The following RSRC1 variants were observed in gnomAD, a reference collection of about 807,000 sequenced individuals.
The protein encoded by RSRC1 is arginine and serine rich coiled-coil 1.
A neutral mutation model predicts 49.1 loss-of-function variants in RSRC1; 39 were observed. That is an observed-to-expected ratio of 0.79 (90% confidence interval 0.61 to 1.04). The LOEUF is 1.04. Ranked by LOEUF, RSRC1 falls within the 50% of genes least tolerant of loss-of-function variation. The pLI is 0.00. For missense variants in RSRC1, 388 were observed against 402.4 expected, an observed-to-expected ratio of 0.96 and a Z score of 0.31; for synonymous variants, 143 against 130.8, an observed-to-expected ratio of 1.09 and a Z score of -0.63.
chr3:158,242,900 G>T (rs1311803437), intron 4 of RSRC1, among the ~76,000 whole-genome samples: 1 of 151,952 alleles, frequency 6.6e-6, no homozygotes, highest in Non-Finnish European at 1.5e-5. Context: ...TAATGGAGTT[G>T]TTTGTTTTTG....
At chr3:158,321,294 C>T (rs865803524) in intron 5 of RSRC1, among the ~76,000 whole-genome samples, 1 of 150,856 alleles carries the variant, frequency 6.6e-6, no homozygotes, top group Non-Finnish European at 1.5e-5. Flanking sequence ...CCTCCTCCTC[C>T]TCCTCTTCTT....
chr3:158,371,145 T>C (rs138366063), intron 6 of RSRC1, among the ~76,000 whole-genome samples: 2 of 152,070 alleles, frequency 1.3e-5, no homozygotes, highest in Non-Finnish European at 2.9e-5. Flanking sequence ...TGTTGAGTTA[T>C]AGTTATTTAT....
chr3:158,471,354 A>G (rs1738127199), intron 7 of RSRC1, among the ~76,000 whole-genome samples: 1 of 152,196 alleles, frequency 6.6e-6, no homozygotes, highest in Non-Finnish European at 1.5e-5. Flanking sequence ...CCGTGGAAGA[A>G]TTTAAACATT....
At chr3:158,185,052 C>T (rs943477447) in intron 3 of RSRC1, among the ~76,000 whole-genome samples, 1 of 151,664 alleles carries the variant, frequency 6.6e-6, no homozygotes, top group South Asian at 2.1e-4. Flanking sequence ...GCGTGGATTC[C>T]ATAAATACTT....
chr3:158,467,374 G>C (rs765897982), intron 7 of RSRC1, among the ~76,000 whole-genome samples: 7 of 152,200 alleles, frequency 4.6e-5, no homozygotes, highest in Admixed American at 2.0e-4. Flanking sequence ...TTCACATCCT[G>C]TGTGACCTTA....
chr3:158,407,813 A>C (rs1457575172), intron 6 of RSRC1, among the ~76,000 whole-genome samples: 1 of 152,206 alleles, frequency 6.6e-6, no homozygotes, highest in African/African-American at 2.4e-5. Context: ...TGCATATTTT[A>C]GATTTTAAGA....
intron 3 of RSRC1, among the ~76,000 whole-genome samples, chr3:158,168,126 T>TCCC (rs746548912): frequency 2.3e-3 from 353 of 152,298 alleles, no homozygotes; most frequent in Non-Finnish European, 3.8e-3. Flanking sequence ...GTCTGTGGCT[T>TCCC]CCCTCTACAA....
At chr3:158,286,600 C>T (rs1476872399) in intron 4 of RSRC1, among the ~76,000 whole-genome samples, 1 of 152,020 alleles carries the variant, frequency 6.6e-6, no homozygotes, top group East Asian at 1.9e-4. Flanking sequence ...GAATTCTAGG[C>T]TGAGGAATTT....
chr3:158,187,192 A>G (rs1201196910), intron 3 of RSRC1, among the ~76,000 whole-genome samples: 1 of 151,962 alleles, frequency 6.6e-6, no homozygotes, highest in East Asian at 1.9e-4. Context: ...TATCCAAAAC[A>G]CCAAAGGAGA....
At chr3:158,220,132 A>G (rs565626043) in intron 4 of RSRC1, among the ~76,000 whole-genome samples, 53 of 151,752 alleles carry the variant, frequency 3.5e-4, no homozygotes, top group Non-Finnish European at 5.9e-4. Flanking sequence ...ATATGTTTGC[A>G]TGAAGATTAA....
chr3:158,383,923 TAAAA>T (rs1182206474), intron 6 of RSRC1, among the ~76,000 whole-genome samples: 1 of 152,078 alleles, frequency 6.6e-6, no homozygotes, highest in East Asian at 1.9e-4. Flanking sequence ...TTTTTGGTAT[TAAAA>T]AAAGAAAAAC....
chr3:158,324,695 G>A (rs572546551), intron 5 of RSRC1, among the ~76,000 whole-genome samples: 193 of 152,238 alleles, frequency 1.3e-3, no homozygotes, highest in African/African-American at 4.4e-3. Context: ...ATAAACATAC[G>A]TGTGCATGTG....
chr3:158,380,675 A>G (rs1165241517), intron 6 of RSRC1, among the ~76,000 whole-genome samples: 1 of 152,096 alleles, frequency 6.6e-6, no homozygotes, highest in East Asian at 1.9e-4. Context: ...AATCAACATG[A>G]TGGGTATTTT....
At chr3:158,146,341 G>C (rs1025806595) in intron 3 of RSRC1, among the ~76,000 whole-genome samples, 1 of 152,116 alleles carries the variant, frequency 6.6e-6, no homozygotes, top group Non-Finnish European at 1.5e-5. Context: ...AGCATGAAGG[G>C]CTGTTGAATT....
At chr3:158,175,817 A>G (rs1333985151) in intron 3 of RSRC1, among the ~76,000 whole-genome samples, 1 of 151,554 alleles carries the variant, frequency 6.6e-6, no homozygotes, top group Non-Finnish European at 1.5e-5. Flanking sequence ...ATTTCTTTTC[A>G]CTCTTTTTTC....
At chr3:158,344,075 A>G (rs373192588) in intron 5 of RSRC1, among the ~76,000 whole-genome samples, 1 of 151,976 alleles carries the variant, frequency 6.6e-6, no homozygotes, top group East Asian at 1.9e-4. Context: ...TCAGGCCAAC[A>G]TGGTAAAACC....
At chr3:158,244,433 G>A (rs573170869) in intron 4 of RSRC1, among the ~76,000 whole-genome samples, 2 of 152,230 alleles carry the variant, frequency 1.3e-5, no homozygotes, top group Non-Finnish European at 2.9e-5. Context: ...TTACTGCTTT[G>A]CATATGTTGA....
At chr3:158,112,839 C>T (rs1451840124) in intron 1 of RSRC1, among the ~76,000 whole-genome samples, 1 of 152,062 alleles carries the variant, frequency 6.6e-6, no homozygotes, top group African/African-American at 2.4e-5. Flanking sequence ...TTGTTCCCCT[C>T]CCAGGTCCAT....
At chr3:158,425,519 ATAG>A (rs1189485572) in intron 6 of RSRC1, among the ~76,000 whole-genome samples, 1 of 151,980 alleles carries the variant, frequency 6.6e-6, no homozygotes, top group Non-Finnish European at 1.5e-5. Flanking sequence ...CAATTTTGGA[ATAG>A]TAGATGTGGT....
Sources: allele counts gnomAD v4.1 joint callset (sites outside exome capture counted in the v4.1 genomes callset), GRCh38; gene constraint gnomAD v4.1.1; transcripts MANE v1.5; gene names NCBI Gene and HGNC (gene_info 2026-07-23, HGNC 2026-07-21).